The following DPYS variants were observed in gnomAD, a reference collection of about 807,000 sequenced individuals.
DPYS encodes dihydropyrimidinase.
In DPYS, 39 loss-of-function variants were observed where a neutral mutation model predicts 50.3. The observed-to-expected ratio is 0.78, with a 90% CI of 0.60 to 1.01. The LOEUF is 1.01. DPYS is among the 50% of genes least tolerant of loss of function. The pLI, the probability that DPYS is intolerant of heterozygous loss-of-function variation, is 0.00. For missense variants in DPYS, 659 were observed against 680.9 expected (o/e 0.97, Z 0.36); for synonymous variants, 245 against 250.7 (o/e 0.98, Z 0.22).
intron 7 of DPYS, among the ~76,000 whole-genome samples, chr8:104,408,663 C>T (rs564799119): frequency 1.3e-5 from 2 of 151,970 alleles, no homozygotes; most frequent in Admixed American, 6.5e-5. Flanking sequence ...TTTAAATTAC[C>T]CATTACTATG....
At chr8:104,434,030 G>A (rs1410536328) in intron 4 of DPYS, among the ~76,000 whole-genome samples, 1 of 152,164 alleles carries the variant, frequency 6.6e-6, no homozygotes, top group African/African-American at 2.4e-5. Flanking sequence ...ATGTGCCCAA[G>A]GTGGTTGGGG....
At chr8:104,410,121 C>T (rs1178683297) in intron 7 of DPYS, among the ~76,000 whole-genome samples, 1 of 152,160 alleles carries the variant, frequency 6.6e-6, no homozygotes, top group African/African-American at 2.4e-5. Flanking sequence ...AGCAAGGCTG[C>T]AGTTATTTTG....
At chr8:104,425,798 A>G (rs1428310631) in intron 6 of DPYS, among the ~76,000 whole-genome samples, 1 of 152,168 alleles carries the variant, frequency 6.6e-6, no homozygotes, top group African/African-American at 2.4e-5. Context: ...GTTTATCCCT[A>G]TTTATATGGT....
intron 8 of DPYS, among the ~76,000 whole-genome samples, chr8:104,383,373 G>C (rs1216370329): frequency 6.6e-6 from 1 of 152,092 alleles, no homozygotes; most frequent in African/African-American, 2.4e-5. Flanking sequence ...GGAATAATCT[G>C]TTCACTCGTC....
At chr8:104,386,137 T>A (rs1811206520) in intron 8 of DPYS, among the ~76,000 whole-genome samples, 1 of 152,216 alleles carries the variant, frequency 6.6e-6, no homozygotes, top group South Asian at 2.1e-4. Context: ...TGTGGTTCTA[T>A]AAATAAACAT....
chr8:104,386,624 T>C (rs989457213), intron 8 of DPYS, among the ~76,000 whole-genome samples: 1 of 151,810 alleles, frequency 6.6e-6, no homozygotes, highest in Non-Finnish European at 1.5e-5. Context: ...TTTTTTCTTT[T>C]TATTTATTTA....
At chr8:104,394,728 G>T (rs58648573) in intron 7 of DPYS, among the ~76,000 whole-genome samples, 1 of 150,366 alleles carries the variant, frequency 6.7e-6, no homozygotes, top group African/African-American at 2.5e-5. Flanking sequence ...TTACCTAAGA[G>T]CCAAATAGCT....
intron 1 of DPYS, among the ~76,000 whole-genome samples, chr8:104,464,526 C>T (rs1250158733): frequency 2.6e-5 from 4 of 152,212 alleles, no homozygotes; most frequent in African/African-American, 4.8e-5. Context: ...CAGCTCCCCA[C>T]CTTGCAGGTG....
chr8:104,398,430 C>T (rs1453225661), intron 7 of DPYS, among the ~76,000 whole-genome samples: 2 of 152,258 alleles, frequency 1.3e-5, no homozygotes, highest in Non-Finnish European at 2.9e-5. Flanking sequence ...CTCAGCCTCT[C>T]AGCTTGCTCC....
chr8:104,460,256 T>C (rs762066946), intron 1 of DPYS, among the ~76,000 whole-genome samples: 1 of 152,168 alleles, frequency 6.6e-6, no homozygotes, highest in Non-Finnish European at 1.5e-5. Context: ...ATCCCCAATG[T>C]TGGGGGAGTG....
intron 1 of DPYS, among the ~76,000 whole-genome samples, chr8:104,460,106 A>G (rs527927839): frequency 1.3e-5 from 2 of 152,202 alleles, no homozygotes; most frequent in East Asian, 1.9e-4. Flanking sequence ...CAGGCCCCCA[A>G]TTACTAAACA....
chr8:104,407,687 T>C (rs555453888), intron 7 of DPYS, among the ~76,000 whole-genome samples: 5 of 152,364 alleles, frequency 3.3e-5, no homozygotes, highest in African/African-American at 9.6e-5. Flanking sequence ...ATTTTAGGAA[T>C]TGGAAACACT....
chr8:104,380,050 A>C (rs1810980953), intron 9 of DPYS, among the ~76,000 whole-genome samples: 1 of 152,228 alleles, frequency 6.6e-6, no homozygotes, highest in Admixed American at 6.5e-5. Context: ...ATCCTAGATT[A>C]GAAGAATAAT....
chr8:104,408,865 A>G lies in DPYS; in HGVS notation c.1235+15382T>C, dbSNP rs181230619. Among the ~76,000 whole-genome samples, 307 of 151,552 alleles carry G rather than the reference A, an allele frequency of 2.0e-3. 1 individual carries two copies. The highest frequency in any genetic ancestry group is 5.5e-3 in the African/African-American group (228 of 41,352). ...TTTCACTCTTGTTGCCCAGGCTGGAATACAATGGCATGATCTTGGCTCACT... is the reference window on the plus strand; with the variant it reads ...TTTCACTCTTGTTGCCCAGGCTGGAGTACAATGGCATGATCTTGGCTCACT... On this transcript the variant is annotated intron_variant, in intron 7 of 9. Transcript: ENST00000351513.
At chr8:104,414,866 C>G (rs1185629671) in intron 7 of DPYS, among the ~76,000 whole-genome samples, 1 of 152,224 alleles carries the variant, frequency 6.6e-6, no homozygotes, top group Non-Finnish European at 1.5e-5. Flanking sequence ...ACAGAAGGAT[C>G]TGACCTGGTG....
intron 4 of DPYS, among the ~76,000 whole-genome samples, chr8:104,433,396 A>G (rs1419358764): frequency 2.6e-5 from 4 of 152,158 alleles, no homozygotes; most frequent in Non-Finnish European, 5.9e-5. Flanking sequence ...TTAAAGGACA[A>G]TGGAGTGTTC....
At chr8:104,419,539 G>A (rs998446305) in intron 7 of DPYS, 2 of 152,212 alleles carry the variant, frequency 1.3e-5, no homozygotes, top group African/African-American at 4.8e-5. Context: ...TGGCAAGTAC[G>A]ACCTCAGCCA....
intron 1 of DPYS, among the ~76,000 whole-genome samples, chr8:104,459,541 G>C (rs1206941391): frequency 1.3e-5 from 2 of 152,124 alleles, no homozygotes; most frequent in Admixed American, 1.3e-4. Flanking sequence ...AAAATCCTTA[G>C]TTTGGGATTA....
intron 8 of DPYS, among the ~76,000 whole-genome samples, chr8:104,391,513 G>A (rs1311160251): frequency 6.6e-6 from 1 of 152,188 alleles, no homozygotes; most frequent in African/African-American, 2.4e-5. Flanking sequence ...CCCATATCCA[G>A]AAATTTAGAT....
Sources: gnomAD v4.1 joint callset for allele counts (sites outside exome capture counted in the v4.1 genomes callset) on GRCh38, gnomAD v4.1.1 for gene constraint, MANE v1.5 for transcripts, NCBI Gene and HGNC (gene_info 2026-07-23, HGNC 2026-07-21) for gene names.